The following PIK3R3 variants were observed in gnomAD, a reference collection of about 807,000 sequenced individuals.
The protein encoded by PIK3R3 is phosphoinositide-3-kinase regulatory subunit 3, also known as phosphatidylinositol 3-kinase regulatory subunit gamma.
A neutral mutation model predicts 62.9 loss-of-function variants in PIK3R3; 64 were observed. The observed-to-expected ratio is 1.02, with a 90% CI of 0.83 to 1.25. PIK3R3 has a LOEUF of 1.25. PIK3R3 is among the 50% of genes most tolerant of loss of function. PIK3R3 has a pLI of 0.00. For synonymous variants in PIK3R3, 165 were observed against 189.0 expected, an observed-to-expected ratio of 0.87 and a Z score of 1.04; for missense variants, 614 against 561.6, an observed-to-expected ratio of 1.09 and a Z score of -0.94.
chr1:46,142,386 G>A, the PIK3R3 span, among the ~76,000 whole-genome samples: 11 of 152,300 alleles, frequency 7.2e-5, no homozygotes, highest in African/African-American at 1.7e-4. Context: ...AGAGCACATC[G>A]CTCTTTGAGG....
chr1:46,108,642 C>G (rs185599581), intron 1 of PIK3R3, among the ~76,000 whole-genome samples: 2 of 151,994 alleles, frequency 1.3e-5, no homozygotes, highest in Admixed American at 6.5e-5. Flanking sequence ...AATCTGACCT[C>G]ACCCCATTTT....
rs1283852749 is a variant in PIK3R3, at chr1:46,044,078, TTC to T, written c.1188-209_1188-208del. ...ACCACAAATGTAAGGGTTTATTTAT[TTC>T]TTTTTTTTTTTTTTAGACAGGGTCT... On this transcript the variant is annotated intron_variant, in intron 9 of 9. Transcript: ENST00000262741. This position sits in a 1 kb window ranked among gnomAD's most constrained non-coding sequence, Gnocchi z 4.2. Among the ~76,000 whole-genome samples the T allele has an allele frequency of 2.5e-5, 3 of 121,942 alleles. No homozygotes were observed. Among genetic ancestry groups the T allele is most frequent in the Non-Finnish European group, 5.3e-5 (3 of 56,730 alleles). 80.0% of individuals were successfully genotyped at this position (121,942 alleles called of 152,430 possible). A position where few individuals can be genotyped will look rare whatever the true frequency, so the allele number is the denominator to read the frequency against.
At chr1:46,081,360 G>A (rs923580992) in intron 1 of PIK3R3, among the ~76,000 whole-genome samples, 6 of 152,028 alleles carry the variant, frequency 3.9e-5, no homozygotes, top group South Asian at 2.1e-4. Flanking sequence ...CCTAACCCCC[G>A]GGCTGCGGAC....
intron 3 of PIK3R3, among the ~76,000 whole-genome samples, chr1:46,070,606 AT>A (rs1448302667): frequency 6.6e-6 from 1 of 152,210 alleles, no homozygotes; most frequent in African/African-American, 2.4e-5. Flanking sequence ...AGTGGTCATA[AT>A]TAATGTGAAA....
intron 5 of PIK3R3, among the ~76,000 whole-genome samples, chr1:46,064,183 A>T (rs955701802): frequency 6.6e-6 from 1 of 152,148 alleles, no homozygotes; most frequent in African/African-American, 2.4e-5. Flanking sequence ...ACTACACTCC[A>T]GCCTGGGCAA....
chr1:46,076,988 T>C (rs1650124920), intron 3 of PIK3R3, among the ~76,000 whole-genome samples: 1 of 152,210 alleles, frequency 6.6e-6, no homozygotes, highest in Non-Finnish European at 1.5e-5. Flanking sequence ...AAATTTCTCA[T>C]GCAGTTTTCT....
intron 6 of PIK3R3, among the ~76,000 whole-genome samples, chr1:46,058,734 T>C (rs1648183695): frequency 6.6e-6 from 1 of 152,230 alleles, no homozygotes; most frequent in South Asian, 2.1e-4. Context: ...CCCCACTGTA[T>C]CTAGGAAATA....
intron 1 of PIK3R3, among the ~76,000 whole-genome samples, chr1:46,094,993 C>T (rs1651984310): frequency 6.6e-6 from 1 of 152,172 alleles, no homozygotes; most frequent in African/African-American, 2.4e-5. Context: ...AATTATACTA[C>T]TATTTCTCTC....
At chr1:46,095,629 G>A (rs1164535669) in intron 1 of PIK3R3, among the ~76,000 whole-genome samples, 4 of 151,964 alleles carry the variant, frequency 2.6e-5, no homozygotes, top group African/African-American at 4.8e-5. Context: ...TGTAACAAAC[G>A]TGCACATCCT....
intron 1 of PIK3R3, among the ~76,000 whole-genome samples, chr1:46,104,443 T>C (rs1013770860): frequency 6.6e-6 from 1 of 152,224 alleles, no homozygotes; most frequent in East Asian, 1.9e-4. Context: ...GCTCACTAAA[T>C]TGTCTAATAT....
At chr1:46,097,048 A>T (rs1417412871) in intron 1 of PIK3R3, among the ~76,000 whole-genome samples, 1 of 152,116 alleles carries the variant, frequency 6.6e-6, no homozygotes, top group Non-Finnish European at 1.5e-5. Flanking sequence ...CACGGACAAA[A>T]AAATCCTCAA....
rs1655713765 is a variant in PIK3R3, at chr1:46,132,576, CCGCCGGGGTGT to C, written c.-635_-625del. 5 of 1,286,256 alleles carry C rather than the reference CCGCCGGGGTGT, an allele frequency of 3.9e-6. No homozygotes were observed. The African/African-American group carries it at 7.6e-5, about 20-fold the overall frequency. 79.7% of individuals were successfully genotyped at this position (1,286,256 alleles called of 1,614,324 possible). ...GTCAGCTCGGCTTGTCTGGGCGCTC[CCGCCGGGGTGT>C]AAGAACCAACCCGACCGCACCAACT... is the stretch of plus-strand genomic sequence containing the variant. On this transcript the variant is annotated 5_prime_UTR_variant, in exon 1 of 10. Transcript: ENST00000262741.
At chr1:46,079,653 C>G (rs747616062) in intron 2 of PIK3R3, among the ~76,000 whole-genome samples, 1 of 152,028 alleles carries the variant, frequency 6.6e-6, no homozygotes. Flanking sequence ...ATAATCACAC[C>G]CATAATTTAA....
chr1:46,131,966 G>A lies in PIK3R3; in HGVS notation c.-14C>T. On this transcript the variant is annotated 5_prime_UTR_variant, in exon 1 of 10. Transcript: ENST00000262741. ...CGTATTGTACATCGCGCTGTCAGGG[G>A]CAGGTCGCCAGGAGATATATAGAAG... is the stretch of plus-strand genomic sequence containing the variant. The A allele has an allele frequency of 6.2e-7, 1 of 1,613,278 alleles. No homozygotes were observed. The highest frequency in any genetic ancestry group is 8.5e-7 in the Non-Finnish European group (1 of 1,179,762).
At chr1:46,134,849 C>G (rs1271124933), upstream of PIK3R3, among the ~76,000 whole-genome samples, 2 of 152,186 alleles carry the variant, frequency 1.3e-5, no homozygotes, top group African/African-American at 2.4e-5. Flanking sequence ...TTTCCCACAG[C>G]TAAGGCTTTG....
chr1:46,062,342 G>GA (rs1376594619), intron 5 of PIK3R3, among the ~76,000 whole-genome samples: 2 of 152,178 alleles, frequency 1.3e-5, no homozygotes, highest in Non-Finnish European at 2.9e-5. Flanking sequence ...TTGGGAGGCC[G>GA]AGGCAGGCAG....
chr1:46,066,081 C>T lies in PIK3R3; in HGVS notation c.594G>A (p.Leu198=), dbSNP rs116489607. 5.0e-6 allele frequency: 8 copies of T among 1,608,576 alleles called. No homozygotes were observed. Among genetic ancestry groups the T allele is most frequent in the South Asian group, 1.1e-5 (1 of 90,958 alleles). ...GGGATGTTCTAGTATATTCTTCATA[C>T]AGCCTATCATACTCTTTACTCTTCT... ...YQEKSKEYDR[L]YEEYTRTSQE... is the part of the protein sequence containing the mutation. Residue 198 remains leucine (L), a synonymous_variant, in exon 5 of 10, where the codon CTG becomes CTA. Coordinates refer to ENST00000262741, the MANE Select transcript of PIK3R3 (RefSeq NM_003629.4).
At chr1:46,157,678 C>T in the PIK3R3 span, among the ~76,000 whole-genome samples, 1 of 152,172 alleles carries the variant, frequency 6.6e-6, no homozygotes, top group Non-Finnish European at 1.5e-5. Flanking sequence ...AGGAGGAAAG[C>T]TTAGAGTCAG....
At chr1:46,088,248 A>C (rs2149423985) in intron 1 of PIK3R3, among the ~76,000 whole-genome samples, 1 of 152,256 alleles carries the variant, frequency 6.6e-6, no homozygotes, top group South Asian at 2.1e-4. Context: ...TTTTAAAAGA[A>C]ACAGATAAAA....
Sources: allele counts gnomAD v4.1 joint callset (sites outside exome capture counted in the v4.1 genomes callset), GRCh38; gene constraint gnomAD v4.1.1; non-coding constraint Gnocchi (gnomAD v3.1); transcripts MANE v1.5; gene names NCBI Gene and HGNC (gene_info 2026-07-23, HGNC 2026-07-21).